Variants in DDX25 observed in about 807,000 individuals in gnomAD.
DDX25 encodes ATP-dependent RNA helicase DDX25.
DDX25 carries 70 observed loss-of-function variants against 64.6 expected under a neutral mutation model. The ratio of observed to expected loss-of-function variants is 1.08; its 90% confidence interval spans 0.89 to 1.32. The LOEUF is 1.32. Ranked by LOEUF, DDX25 falls within the 40% of genes most tolerant of loss-of-function variation. The pLI is 0.00. For synonymous variants in DDX25, 211 were observed against 213.3 expected (o/e 0.99, Z 0.09); for missense variants, 587 against 604.4 (o/e 0.97, Z 0.30).
At position 125,925,172 on chromosome 11, in the gene DDX25, G is replaced by A. The variant is rs202141064; in HGVS notation, c.*2291G>A. Reference sequence around the variant, plus strand: ...TGGACCTTCCACCGTGCTCAGCTCCGCCTTGGGGTGTCCTAAATAAAACTT... The same window carrying A: ...TGGACCTTCCACCGTGCTCAGCTCCACCTTGGGGTGTCCTAAATAAAACTT... On this transcript the variant is annotated 3_prime_UTR_variant, in exon 12 of 12. Coordinates refer to ENST00000263576, the MANE Select transcript of DDX25 (RefSeq NM_013264.5). 3.1e-5 allele frequency: 10 copies of A among 319,952 alleles called. No individual in the cohort carries two copies. Among genetic ancestry groups the A allele is most frequent in the South Asian group, 1.3e-4 (5 of 39,366 alleles). 19.8% of individuals were successfully genotyped at this position (319,952 alleles called of 1,614,324 possible). A position where few individuals can be genotyped will look rare whatever the true frequency, so the allele number is the denominator to read the frequency against.
chr11:125,908,283 A>C lies in DDX25; in HGVS notation c.399A>C (p.Ala133=). ...IQEMALPMML[A]HPPQNLIAQS... The stretch of plus-strand genomic sequence containing the variant: ...AGATGGCTCTCCCTATGATGCTGGC[A>C]CATCCGTGAGTTTCCAGGGTAGTGG... Residue 133 remains alanine, a synonymous_variant, in exon 5 of 12, where the codon GCA becomes GCC. Coordinates refer to ENST00000263576, the MANE Select transcript of DDX25 (RefSeq NM_013264.5). 6.2e-7 allele frequency: 1 copy of C among 1,613,882 alleles called. No homozygotes were observed. The highest frequency in any genetic ancestry group is 8.5e-7 in the Non-Finnish European group (1 of 1,179,824).
At chr11:125,909,543 T>G (rs1944937777) in intron 6 of DDX25, among the ~76,000 whole-genome samples, 1 of 152,100 alleles carries the variant, frequency 6.6e-6, no homozygotes, top group South Asian at 2.1e-4. Flanking sequence ...GGGAATATTC[T>G]GCCTATTATG....
intron 7 of DDX25, 52 bp from the exon 8 acceptor site, chr11:125,911,259 C>T: frequency 6.5e-7 from 1 of 1,527,852 alleles, no homozygotes; most frequent in Non-Finnish European, 8.8e-7. Context: ...GAACTGTGAC[C>T]TGTTGGAGTT....
rs1367600050 is a variant in DDX25, at chr11:125,922,892, T to G, written c.*11T>G. 1.3e-6 allele frequency: 2 copies of G among 1,599,602 alleles called. No individual in the cohort carries two copies. Among genetic ancestry groups the G allele is most frequent in the East Asian group, 2.2e-5 (1 of 44,686 alleles). ...AAGATTGACTATTGAAGAAAGAACTTTATTGTTTGTGCAGTATCCTAGTTT... is the reference window on the plus strand; with the variant it reads ...AAGATTGACTATTGAAGAAAGAACTGTATTGTTTGTGCAGTATCCTAGTTT... On this transcript the variant is annotated 3_prime_UTR_variant, in exon 12 of 12. Transcript: ENST00000263576.
At chr11:125,920,919 T>TACAC (rs3034729) in intron 10 of DDX25, 31,138 of 264,490 alleles carry the variant, frequency 0.12, 1,622 homozygotes, top group South Asian at 0.14. Context: ...CACACACACA[T>TACAC]ACACACACAC....
rs1195824266 is a variant in DDX25 at position 125,924,086 on chromosome 11, G to GAA, written c.*1207_*1208dup. On this transcript the variant is annotated 3_prime_UTR_variant, in exon 12 of 12. Transcript: ENST00000263576. ...TTAAGACCAGCCTTACCAACATGGT[G>GAA]AAACCCCTTCTCTACTAAAAATATA... 2 of 152,222 alleles carry GAA rather than the reference G, an allele frequency of 1.3e-5. No individual in the cohort carries two copies. The highest frequency in any genetic ancestry group is 4.8e-5 in the African/African-American group (2 of 41,420). 9.4% of individuals were successfully genotyped at this position (152,222 alleles called of 1,614,324 possible). A position where few individuals can be genotyped will look rare whatever the true frequency, so the allele number is the denominator to read the frequency against.
In DDX25 at chr11:125,923,749, C is replaced by T. The variant is rs1473734446; in HGVS notation, c.*868C>T. The T allele has an allele frequency of 6.6e-6, 1 of 152,100 alleles. No homozygotes were observed. The highest frequency in any genetic ancestry group is 2.4e-5 in the African/African-American group (1 of 41,404). The allele number at this position is 152,100 out of a possible 1,614,324, so 9.4% of individuals were successfully genotyped here. A position where few individuals can be genotyped will look rare whatever the true frequency, so the allele number is the denominator to read the frequency against. On this transcript the variant is annotated 3_prime_UTR_variant, in exon 12 of 12. Transcript: ENST00000263576. ...CTACTCAAAAGTAAAGTGTAGTGAG[C>T]TTGAGAAGATGGGGTAAATGGAGAG...
rs901239412 is a variant in DDX25 at position 125,914,237 on chromosome 11, G to A, written c.800+2749G>A. Among the ~76,000 whole-genome samples the A allele has an allele frequency of 3.9e-5, 6 of 152,238 alleles. No homozygotes were observed. The South Asian group carries it at 6.2e-4, about 16-fold the overall frequency. On this transcript the variant is annotated intron_variant, in intron 8 of 11. Coordinates refer to ENST00000263576, the MANE Select transcript of DDX25 (RefSeq NM_013264.5). ...TAGGGTGAGAAGCTACAATTCCAACGGACAGCTCTGTGTGCATGGCTGGGG... is the reference window on the plus strand; with the variant it reads ...TAGGGTGAGAAGCTACAATTCCAACAGACAGCTCTGTGTGCATGGCTGGGG...
chr11:125,907,383 C>A (rs112456732), intron 4 of DDX25, among the ~76,000 whole-genome samples: 3 of 151,984 alleles, frequency 2.0e-5, no homozygotes, highest in Admixed American at 1.3e-4. Context: ...CCAAGGGGGG[C>A]GGATCACGAG....
chr11:125,907,536 A>AG (rs1446012202), intron 4 of DDX25, among the ~76,000 whole-genome samples: 1 of 151,784 alleles, frequency 6.6e-6, no homozygotes, highest in Non-Finnish European at 1.5e-5. Flanking sequence ...TGAACCCGGG[A>AG]GGTGGAGCTT....
rs1338698365 is a variant in DDX25, at chr11:125,904,596, C to T, written c.63+16C>T. 1.0e-5 allele frequency: 15 copies of T among 1,458,030 alleles called. No individual in the cohort carries two copies. The highest frequency in any genetic ancestry group is 1.4e-5 in the Non-Finnish European group (15 of 1,105,396). 90.3% of individuals were successfully genotyped at this position (1,458,030 alleles called of 1,614,324 possible). A position where few individuals can be genotyped will look rare whatever the true frequency, so the allele number is the denominator to read the frequency against. On this transcript the variant is annotated intron_variant, in intron 1 of 11. Transcript: ENST00000263576. ...GAACAGCCACGTAACCGCCACCGAG[C>T]CGGGGGGCCACAGCCGCGGGGGTGG...
chr11:125,911,468 T>A lies in DDX25; in HGVS notation c.780T>A (p.Asp260Glu). 6.2e-7 allele frequency: 1 copy of A among 1,613,904 alleles called. No individual in the cohort carries two copies. Among genetic ancestry groups the A allele is most frequent in the Non-Finnish European group, 8.5e-7 (1 of 1,179,840 alleles). Reference protein sequence around the residue: ...DVMIDTQGFSDHSIRIQRALP... With the variant: ...DVMIDTQGFSEHSIRIQRALP... The stretch of plus-strand genomic sequence containing the variant: ...TGATTGACACTCAAGGATTCTCAGA[T>A]CATAGTATTCGTATTCAAAGGTAAT... Residue 260 changes from aspartate (D) to glutamate (E), a missense_variant, in exon 8 of 12, where the codon GAT (aspartate) becomes GAA (glutamate). Physicochemically the swap from Asp to Glu is conservative, Grantham distance 45. Coordinates refer to ENST00000263576, the MANE Select transcript of DDX25 (RefSeq NM_013264.5).
At chr11:125,918,357 C>T (rs1031498251) in intron 9 of DDX25, among the ~76,000 whole-genome samples, 1 of 152,172 alleles carries the variant, frequency 6.6e-6, no homozygotes, top group African/African-American at 2.4e-5. Flanking sequence ...GTCATCATAG[C>T]ACCTGTGAGG....
intron 6 of DDX25, among the ~76,000 whole-genome samples, chr11:125,909,850 C>T (rs1944943360): frequency 6.6e-6 from 1 of 152,070 alleles, no homozygotes; most frequent in Admixed American, 6.5e-5. Flanking sequence ...TGGTGTTTTG[C>T]CATTTTGGCC....
Position 125,917,003 on chromosome 11 carries a change from C to G in DDX25, c.801-11C>G. ...GGCAGCTTGGTGACAGCCTTCTCTC[C>G]TCTATCACAGAGCTCTACCCTCCGA... On this transcript the variant is annotated splice_polypyrimidine_tract_variant and intron_variant, in intron 8 of 11. Coordinates refer to ENST00000263576, the MANE Select transcript of DDX25 (RefSeq NM_013264.5). 2 of 1,576,372 alleles carry G rather than the reference C, an allele frequency of 1.3e-6. No homozygotes were observed. The highest frequency in any genetic ancestry group is 1.7e-6 in the Non-Finnish European group (2 of 1,159,924).
intron 10 of DDX25, among the ~76,000 whole-genome samples, chr11:125,920,165 G>A (rs112042434): frequency 2.6e-5 from 4 of 152,150 alleles, no homozygotes; most frequent in African/African-American, 4.8e-5. Flanking sequence ...GGGCGGGTGC[G>A]GTGGCTCACG....
At position 125,928,818 on chromosome 11, in the gene DDX25, A is replaced by C. The variant is rs781119775; in HGVS notation, c.*5937A>C. ...ATTTATTTTTCCAAATAAAATAAAG[A>C]CATTAACCTTCTATTTTACTGACAA... On this transcript the variant is annotated 3_prime_UTR_variant, in exon 12 of 12. Transcript: ENST00000263576. 1 of 152,226 alleles carries C rather than the reference A, an allele frequency of 6.6e-6. No individual in the cohort carries two copies. 9.4% of individuals were successfully genotyped at this position (152,226 alleles called of 1,614,324 possible). A position where few individuals can be genotyped will look rare whatever the true frequency, so the allele number is the denominator to read the frequency against.
intron 9 of DDX25, 143 bp from the exon 10 acceptor site, chr11:125,918,485 C>T: frequency 9.3e-7 from 1 of 1,080,514 alleles, no homozygotes; most frequent in Non-Finnish European, 1.3e-6. Context: ...CATTTTAAGG[C>T]CCTGGAGGAC....
intron 8 of DDX25, among the ~76,000 whole-genome samples, chr11:125,913,157 C>CAA (rs1267424794): frequency 1.5e-4 from 10 of 68,470 alleles, no homozygotes; most frequent in Non-Finnish European, 2.8e-4. Flanking sequence ...GACTCCATTT[C>CAA]AAAAAAAAAA....
Sources: gnomAD v4.1 joint callset for allele counts (sites outside exome capture counted in the v4.1 genomes callset) on GRCh38, gnomAD v4.1.1 for gene constraint, MANE v1.5 for transcripts, NCBI Gene and HGNC (gene_info 2026-07-23, HGNC 2026-07-21) for gene names.